Variants in PHF24 observed in about 807,000 individuals in gnomAD.
The protein encoded by PHF24 is PHD finger protein 24, also known as Galpha inhibitory interacting protein.
In PHF24, 25 loss-of-function variants were observed where a neutral mutation model predicts 42.6. That is an observed-to-expected ratio of 0.59 (90% CI 0.43 to 0.82). PHF24 has a LOEUF of 0.82. Among genes scored for constraint, PHF24 ranks in the 40% least tolerant of loss-of-function variants. The pLI, the probability that PHF24 is intolerant of heterozygous loss-of-function variation, is 0.00. For missense variants in PHF24, 470 were observed against 538.1 expected (o/e 0.87, Z 1.25); for synonymous variants, 185 against 204.8 (o/e 0.90, Z 0.83).
At chr9:34,821,596 C>T in the PHF24 span, among the ~76,000 whole-genome samples, 2 of 152,164 alleles carry the variant, frequency 1.3e-5, no homozygotes, top group Non-Finnish European at 2.9e-5. Flanking sequence ...CCCATCTTTC[C>T]CTGGATCCTC....
the PHF24 span, chr9:34,690,464 G>GTGTT: frequency 8.8e-6 from 8 of 913,592 alleles, no homozygotes; most frequent in African/African-American, 1.3e-4. Flanking sequence ...GTGTGTGTGT[G>GTGTT]TGTGTCTGGT....
intron 1 of PHF24, among the ~76,000 whole-genome samples, chr9:34,967,159 C>T (rs1274185775): frequency 2.0e-5 from 3 of 152,132 alleles, no homozygotes; most frequent in African/African-American, 7.2e-5. Flanking sequence ...ATCTTCCAAC[C>T]ACACAGACTC....
At chr9:34,683,057 CTT>C in the PHF24 span, among the ~76,000 whole-genome samples, 4 of 82,012 alleles carry the variant, frequency 4.9e-5, no homozygotes, top group African/African-American at 1.3e-4. Context: ...TACTTTCTTT[CTT>C]TCTCTCTTTT....
chr9:34,862,214 G>A, the PHF24 span, among the ~76,000 whole-genome samples: 7 of 152,130 alleles, frequency 4.6e-5, no homozygotes, highest in Admixed American at 1.3e-4. Context: ...AACTCAAAAC[G>A]TGGTCTAGAC....
chr9:34,834,053 G>C, the PHF24 span: 3 of 1,548,948 alleles, frequency 1.9e-6, no homozygotes, highest in South Asian at 1.2e-5. Flanking sequence ...ACCTGGTAAG[G>C]CCTGTTGCTG....
At chr9:34,751,847 G>T in the PHF24 span, among the ~76,000 whole-genome samples, 1 of 151,984 alleles carries the variant, frequency 6.6e-6, no homozygotes, top group Non-Finnish European at 1.5e-5. Flanking sequence ...ATAATATCAA[G>T]TATCTTCTCT....
chr9:34,722,679 G>C, the PHF24 span, among the ~76,000 whole-genome samples: 1 of 152,190 alleles, frequency 6.6e-6, no homozygotes, highest in African/African-American at 2.4e-5. Context: ...CTCACCAGCT[G>C]ATTGCTTCCT....
At chr9:34,727,513 A>T in the PHF24 span, among the ~76,000 whole-genome samples, 1 of 152,136 alleles carries the variant, frequency 6.6e-6, no homozygotes, top group Non-Finnish European at 1.5e-5. Flanking sequence ...TAGAGCTCTT[A>T]AGGAGAGGAT....
At chr9:34,791,801 A>C in the PHF24 span, among the ~76,000 whole-genome samples, 1 of 151,192 alleles carries the variant, frequency 6.6e-6, no homozygotes, top group Non-Finnish European at 1.5e-5. Flanking sequence ...TGAATGTTGC[A>C]TCTTACAACC....
At chr9:34,917,465 G>T in the PHF24 span, 2 of 769,772 alleles carry the variant, frequency 2.6e-6, no homozygotes, top group African/African-American at 1.7e-5. Context: ...TAACAAGCTG[G>T]TATTGTGTGA....
At chr9:34,859,500 G>GT in the PHF24 span, among the ~76,000 whole-genome samples, 25 of 152,098 alleles carry the variant, frequency 1.6e-4, no homozygotes, top group Non-Finnish European at 3.7e-4. Context: ...ACATTTGCTT[G>GT]TTTTTTCTAG....
chr9:34,762,468 T>C, the PHF24 span, among the ~76,000 whole-genome samples: 1 of 150,840 alleles, frequency 6.6e-6, no homozygotes, highest in African/African-American at 2.4e-5. Context: ...CATTTTTTCA[T>C]GTGTTTTTTG....
the PHF24 span, among the ~76,000 whole-genome samples, chr9:34,806,312 T>A: frequency 1.3e-5 from 2 of 152,216 alleles, no homozygotes; most frequent in Admixed American, 1.3e-4. Flanking sequence ...TGGGGAATAT[T>A]ATTATCTTAA....
chr9:34,689,587 G>C, the PHF24 span: 1 of 553,772 alleles, frequency 1.8e-6, no homozygotes, highest in Non-Finnish European at 3.2e-6. This position sits in a 1 kb window ranked among gnomAD's most constrained non-coding sequence, Gnocchi z 4.1. Context: ...TAAACACCAG[G>C]CGGCTTTATT....
At chr9:34,857,778 A>G in the PHF24 span, among the ~76,000 whole-genome samples, 1 of 152,222 alleles carries the variant, frequency 6.6e-6, no homozygotes, top group Non-Finnish European at 1.5e-5. Context: ...ATTTTCAAGT[A>G]AACATTCTTT....
At chr9:34,944,231 A>C in the PHF24 span, among the ~76,000 whole-genome samples, 2 of 152,232 alleles carry the variant, frequency 1.3e-5, no homozygotes, top group Non-Finnish European at 2.9e-5. Flanking sequence ...AGGCTGATAA[A>C]AAGAAAAAAA....
the PHF24 span, among the ~76,000 whole-genome samples, chr9:34,848,968 G>A: frequency 6.6e-6 from 1 of 152,164 alleles, no homozygotes; most frequent in African/African-American, 2.4e-5. Context: ...CTGAGAGACA[G>A]TTTGTTATAA....
chr9:34,891,670 C>T, the PHF24 span, among the ~76,000 whole-genome samples: 4 of 152,318 alleles, frequency 2.6e-5, no homozygotes, highest in East Asian at 7.7e-4. Flanking sequence ...TCCTAGCAGC[C>T]TCTGGGCATG....
chr9:34,778,798 C>T, the PHF24 span, among the ~76,000 whole-genome samples: 3 of 152,136 alleles, frequency 2.0e-5, no homozygotes, highest in Non-Finnish European at 4.4e-5. Flanking sequence ...CCCCACCCAA[C>T]AGCAGCAGAA....
Sources: gnomAD v4.1 joint callset for allele counts (sites outside exome capture counted in the v4.1 genomes callset) on GRCh38, gnomAD v4.1.1 for gene constraint, Gnocchi (gnomAD v3.1) non-coding constraint, MANE v1.5 for transcripts, NCBI Gene and HGNC (gene_info 2026-07-23, HGNC 2026-07-21) for gene names.